NLRP8: variants seen among roughly 807,000 people sequenced by gnomAD.
The protein encoded by NLRP8 is NACHT, LRR and PYD domains-containing protein 8.
A neutral mutation model predicts 88.7 loss-of-function variants in NLRP8; 86 were observed. That is an observed-to-expected ratio of 0.97 (90% CI 0.81 to 1.16). The LOEUF (loss-of-function observed/expected upper bound fraction) is 1.16, where lower values mean the gene tolerates loss of function less well. Ranked by LOEUF, NLRP8 falls within the 50% of genes most tolerant of loss-of-function variation. The pLI is 0.00. For synonymous variants in NLRP8, 504 were observed against 494.6 expected, an observed-to-expected ratio of 1.02 and a Z score of -0.25; for missense variants, 1,342 against 1,286.5, an observed-to-expected ratio of 1.04 and a Z score of -0.66.
In NLRP8 at chr19:55,954,767, C is replaced by T. The variant is rs148518241; in HGVS notation, c.709C>T (p.Arg237Cys). Reference sequence around the variant, plus strand: ...CAGAAACAAGTTCTACGCCCACAAGCGCTGGTGTGCTTTCTACTTCCATTG... The same window carrying T: ...CAGAAACAAGTTCTACGCCCACAAGTGCTGGTGTGCTTTCTACTTCCATTG... Residue 237 changes from arginine to cysteine, a missense_variant, in exon 3 of 10, where the codon CGC becomes TGC. Physicochemically the swap from Arg to Cys is radical, Grantham distance 180 (BLOSUM62 -3). Coordinates refer to ENST00000291971, the MANE Select transcript of NLRP8 (RefSeq NM_176811.2). The T allele has an allele frequency of 2.6e-3, 4,121 of 1,614,178 alleles. 11 individuals are homozygous for T. The highest frequency in any genetic ancestry group is 3.2e-3 in the Non-Finnish European group (3,741 of 1,180,026).
At position 55,970,685 on chromosome 19, in the gene NLRP8, G is replaced by A. The variant is rs1416860336; in HGVS notation, c.2523G>A (p.Leu841=). ...CGTATTACCTGTCTGTGGCCCAGCTGGAGAGGCTGTCGTAAGTCTCCTTTC... is the reference window on the plus strand; with the variant it reads ...CGTATTACCTGTCTGTGGCCCAGCTAGAGAGGCTGTCGTAAGTCTCCTTTC... The change falls in exon 6 of 10, where the codon CTG becomes CTA. Residue 841 remains leucine, a synonymous_variant. Coordinates refer to ENST00000291971, the MANE Select transcript of NLRP8 (RefSeq NM_176811.2). 1 of 1,613,914 alleles carries A rather than the reference G, an allele frequency of 6.2e-7. No individual in the cohort carries two copies. Among genetic ancestry groups the A allele is most frequent in the Non-Finnish European group, 8.5e-7 (1 of 1,179,986 alleles).
In NLRP8 at chr19:55,962,151, T is replaced by C. The variant is rs762464638; in HGVS notation, c.2127T>C (p.Thr709=). The stretch of plus-strand genomic sequence containing the variant: ...CGAATGATAAGCTGGAAGTCCTGAC[T>C]ATGACCAACAGTGTTTTGGGGCCTC... The change falls in exon 4 of 10, where the codon ACT becomes ACC. Residue 709 remains threonine, a synonymous_variant. Coordinates refer to ENST00000291971, the MANE Select transcript of NLRP8 (RefSeq NM_176811.2). The C allele has an allele frequency of 5.0e-6, 8 of 1,614,116 alleles. No individual in the cohort carries two copies. Among genetic ancestry groups the C allele is most frequent in the African/African-American group, 1.3e-5 (1 of 74,954 alleles).
intron 3 of NLRP8, among the ~76,000 whole-genome samples, chr19:55,956,393 G>A (rs1276152728): frequency 6.6e-6 from 1 of 151,936 alleles, no homozygotes; most frequent in Non-Finnish European, 1.5e-5. Context: ...ACAAACGCAT[G>A]CCACTGCACC....
intron 6 of NLRP8, 66 bp downstream of exon 6, chr19:55,970,762 G>A: frequency 6.3e-7 from 1 of 1,592,592 alleles, no homozygotes; most frequent in Non-Finnish European, 8.6e-7. Context: ...TAGATTTAGT[G>A]CTTCTGTGAG....
At position 55,970,566 on chromosome 19, in the gene NLRP8, C is replaced by G; in HGVS notation, c.2404C>G (p.Pro802Ala). 12 of 1,614,092 alleles carry G rather than the reference C, an allele frequency of 7.4e-6. No homozygotes were observed. The highest frequency in any genetic ancestry group is 1.0e-5 in the Non-Finnish European group (12 of 1,180,006). ...CAGGTTGGAAGACTGCTTGGCCACCCCTAGAATTTGGACTGATCTTGGCAA... is the reference window on the plus strand; with the variant it reads ...CAGGTTGGAAGACTGCTTGGCCACCGCTAGAATTTGGACTGATCTTGGCAA... Residue 802 changes from proline to alanine, a missense_variant, in exon 6 of 10, where the codon CCT (proline) becomes GCT (alanine). By Grantham distance (27) the Pro-to-Ala change is conservative (BLOSUM62 -1). Transcript: ENST00000291971.
rs138307208 is a variant in NLRP8 at position 55,955,878 on chromosome 19, C to A, written c.1820C>A (p.Pro607Gln). The change falls in exon 3 of 10, where the codon CCG becomes CAG. Residue 607 changes from proline to glutamine, a missense_variant. By Grantham distance (76) the Pro-to-Gln change is moderately conservative. Coordinates refer to ENST00000291971, the MANE Select transcript of NLRP8 (RefSeq NM_176811.2). ...CCACCTTCTCCGGGCAGTGGGGTCC[C>A]GCAGTTATTCTACTGTCTGCATGAA... The A allele has an allele frequency of 6.2e-7, 1 of 1,614,106 alleles. No homozygotes were observed. Among genetic ancestry groups the A allele is most frequent in the Non-Finnish European group, 8.5e-7 (1 of 1,180,020 alleles).
chr19:55,948,258 G>C lies in NLRP8; in HGVS notation c.356G>C (p.Arg119Thr), dbSNP rs754825632. The C allele has an allele frequency of 6.2e-7, 1 of 1,612,424 alleles. No individual in the cohort carries two copies. The highest frequency in any genetic ancestry group is 1.1e-5 in the South Asian group (1 of 91,004). Residue 119 changes from arginine (R) to threonine (T), a missense_variant, in exon 1 of 10, where the codon AGA becomes ACA. Physicochemically the swap from Arg to Thr is moderately conservative, Grantham distance 71. Transcript: ENST00000291971. ...GATAAAATGTGTGTTGTAGTCCGCA[G>C]AGAGATAAATGGTGAGTGTTGATCT...
At chr19:55,962,506 C>T (rs1258752670) in intron 4 of NLRP8, among the ~76,000 whole-genome samples, 1 of 152,226 alleles carries the variant, frequency 6.6e-6, no homozygotes, top group East Asian at 1.9e-4. Context: ...TTTGCACCAA[C>T]TTAATAGCTC....
chr19:55,964,683 C>T (rs989116894), intron 4 of NLRP8, among the ~76,000 whole-genome samples: 1 of 149,722 alleles, frequency 6.7e-6, no homozygotes, highest in Non-Finnish European at 1.5e-5. Flanking sequence ...ACCTGGGAAG[C>T]GGAGGTTGCA....
Position 55,954,569 on chromosome 19 carries a change from C to A in NLRP8, c.511C>A (p.Pro171Thr). 6.2e-7 allele frequency: 1 copy of A among 1,614,152 alleles called. No homozygotes were observed. ...CCCCATATGGGACATTACGACTTGG[C>A]CTGGAAACCAGAGGGACTTCTTCTA... The change falls in exon 3 of 10, where the codon CCT becomes ACT. Residue 171 changes from proline to threonine, a missense_variant. Transcript: ENST00000291971.
intron 3 of NLRP8, among the ~76,000 whole-genome samples, chr19:55,958,135 G>A (rs750138260): frequency 1.3e-5 from 2 of 152,106 alleles, no homozygotes; most frequent in African/African-American, 4.8e-5. Flanking sequence ...AGAAGAGAGA[G>A]GCGATTTAGA....
intron 5 of NLRP8, among the ~76,000 whole-genome samples, chr19:55,967,445 C>T (rs1979892272): frequency 1.3e-5 from 2 of 152,202 alleles, no homozygotes; most frequent in South Asian, 2.1e-4. Flanking sequence ...TGAGAACATG[C>T]TGTTTGTCTT....
intron 9 of NLRP8, among the ~76,000 whole-genome samples, chr19:55,987,124 T>G (rs1342389268): frequency 6.6e-6 from 1 of 152,214 alleles, no homozygotes; most frequent in Non-Finnish European, 1.5e-5. Flanking sequence ...ATCCCAGCAC[T>G]TTGGGAGGCC....
At chr19:55,981,487 G>A (rs1980570480) in intron 9 of NLRP8, among the ~76,000 whole-genome samples, 1 of 152,110 alleles carries the variant, frequency 6.6e-6, no homozygotes, top group South Asian at 2.1e-4. Flanking sequence ...ATCTCTTGGA[G>A]ATATGTCTTC....
chr19:55,986,369 GTCTCACACACATTC>G (rs1568471717), intron 9 of NLRP8, among the ~76,000 whole-genome samples: 3 of 147,550 alleles, frequency 2.0e-5, no homozygotes, highest in African/African-American at 7.5e-5. Context: ...CACTCACACA[GTCTCACACACATTC>G]TCTCACACAC....
chr19:55,955,621 C>T lies in NLRP8; in HGVS notation c.1563C>T (p.Leu521=), dbSNP rs1979313598. The T allele has an allele frequency of 6.2e-7, 1 of 1,614,076 alleles. No individual in the cohort carries two copies. The highest frequency in any genetic ancestry group is 1.3e-5 in the African/African-American group (1 of 74,932). The stretch of plus-strand genomic sequence containing the variant: ...TTTTTGCGGCCTTGTTTTATGTTCT[C>T]TGTTTCCCACAAAGACTCAAAAATT... The change falls in exon 3 of 10, where the codon CTC becomes CTT. Residue 521 remains leucine, a synonymous_variant. Coordinates refer to ENST00000291971, the MANE Select transcript of NLRP8 (RefSeq NM_176811.2).
chr19:55,978,377 G>T lies in NLRP8; in HGVS notation c.2877-1017G>T, dbSNP rs115787760. Among the ~76,000 whole-genome samples the T allele has an allele frequency of 9.8e-3, 1,490 of 152,140 alleles. 27 individuals are homozygous for T. Among genetic ancestry groups the T allele is most frequent in the African/African-American group, 0.034 (1,422 of 41,522 alleles). ...TATCTGTCTTAGTCTGTTTTCTGCT[G>T]CTTATAACAGAATACCTGAAATTGC... On this transcript the variant is annotated intron_variant, in intron 8 of 9. Transcript: ENST00000291971.
In NLRP8 at chr19:55,955,296, G is replaced by A. The variant is rs866751626; in HGVS notation, c.1238G>A (p.Gly413Glu). The change falls in exon 3 of 10, where the codon GGA (glycine) becomes GAA (glutamate). Residue 413 changes from glycine (G) to glutamate (E), a missense_variant. By Grantham distance (98) the Gly-to-Glu change is moderately conservative. Coordinates refer to ENST00000291971, the MANE Select transcript of NLRP8 (RefSeq NM_176811.2). ...GGTCTGAAACAGCAAATGGAGAGAG[G>A]AAACAATCTCACACAGTCATGTCCA... is the stretch of plus-strand genomic sequence containing the variant. 3.1e-6 allele frequency: 5 copies of A among 1,614,056 alleles called. No homozygotes were observed. The highest frequency in any genetic ancestry group is 1.3e-5 in the African/African-American group (1 of 74,916).
chr19:55,982,192 A>T (rs1980603739), intron 9 of NLRP8, among the ~76,000 whole-genome samples: 1 of 152,060 alleles, frequency 6.6e-6, no homozygotes, highest in African/African-American at 2.4e-5. Context: ...GTGAGCCACT[A>T]TGCCCGGCCC....
Sources: allele counts gnomAD v4.1 joint callset (sites outside exome capture counted in the v4.1 genomes callset), GRCh38; gene constraint gnomAD v4.1.1; transcripts MANE v1.5; gene names NCBI Gene and HGNC (gene_info 2026-07-23, HGNC 2026-07-21).